The following BTAF1 variants were observed in gnomAD, a reference collection of about 807,000 sequenced individuals.
BTAF1 encodes B-TFIID TATA-box binding protein associated factor 1.
BTAF1 carries 38 observed loss-of-function variants against 227.1 expected under a neutral mutation model. The observed-to-expected ratio is 0.17, with a 90% CI of 0.13 to 0.22. The LOEUF (loss-of-function observed/expected upper bound fraction) is 0.22, where lower values mean the gene tolerates loss of function less well. Among genes scored for constraint, BTAF1 ranks in the 10% least tolerant of loss-of-function variants. BTAF1 has a pLI of 1.00. For synonymous variants in BTAF1, 742 were observed against 751.9 expected, an observed-to-expected ratio of 0.99 and a Z score of 0.21; for missense variants, 1,598 against 2,204.0, an observed-to-expected ratio of 0.73 and a Z score of 5.51.
chr10:91,964,356 T>C (rs1846730380), intron 13 of BTAF1, among the ~76,000 whole-genome samples, 155 bp downstream of exon 13: 2 of 152,204 alleles, frequency 1.3e-5, no homozygotes, highest in Admixed American at 6.5e-5. Context: ...CCTTGTCTTT[T>C]TTACTCTAGC....
At position 91,955,881 on chromosome 10, in the gene BTAF1, A is replaced by G. The variant is rs866116397; in HGVS notation, c.702-647A>G. On this transcript the variant is annotated intron_variant, in intron 6 of 37. Coordinates refer to ENST00000265990, the MANE Select transcript of BTAF1 (RefSeq NM_003972.3). ...TGGCCAAATAAATTTCACTATTAAG[A>G]TGGAGAGAGGGGAGAAGTATTTATA... Among the ~76,000 whole-genome samples, 4 of 152,176 alleles carry G rather than the reference A, an allele frequency of 2.6e-5. No individual in the cohort carries two copies. The South Asian group carries it at 8.3e-4, about 31-fold the overall frequency.
rs562005984 is a variant in BTAF1 at position 92,019,353 on chromosome 10, G to T, written c.4863+418G>T. Among the ~76,000 whole-genome samples the T allele has an allele frequency of 8.5e-5, 13 of 152,192 alleles. No individual in the cohort carries two copies. In the South Asian group the frequency reaches 2.7e-3, roughly 32 times the overall value. On this transcript the variant is annotated intron_variant, in intron 34 of 37. Transcript: ENST00000265990. ...AATCATAAAATATTTGTCATTTGTG[G>T]CTTATTCATTAGTCAGTTTTATGGA...
rs756541425 is a variant in BTAF1, at chr10:91,960,016, A to G, written c.1125A>G (p.Leu375=). 1.9e-6 allele frequency: 3 copies of G among 1,612,554 alleles called. No homozygotes were observed. ...TTCGTGAAACTTGTGCTCAAACATTAGGTGTGGTTTTAAAACACATGAACG... is the reference window on the plus strand; with the variant it reads ...TTCGTGAAACTTGTGCTCAAACATTGGGTGTGGTTTTAAAACACATGAACG... ...APVRETCAQT[L]GVVLKHMNET... The change falls in exon 11 of 38, where the codon TTA becomes TTG. Residue 375 remains leucine, a synonymous_variant. Transcript: ENST00000265990.
In BTAF1 at chr10:91,923,884, G is replaced by A. The variant is rs925121506; in HGVS notation, c.-193G>A. On this transcript the variant is annotated 5_prime_UTR_variant, in exon 1 of 38. Transcript: ENST00000265990. ...CTACCGTCTTGGACCCCTGCTTACC[G>A]GCCGCCGCGGGGACGAGCTCGGGTA... 1 of 577,950 alleles carries A rather than the reference G, an allele frequency of 1.7e-6. No homozygotes were observed. Among genetic ancestry groups the A allele is most frequent in the Non-Finnish European group, 2.8e-6 (1 of 360,496 alleles). The allele number at this position is 577,950 out of a possible 1,614,324, so 35.8% of individuals were successfully genotyped here.
intron 11 of BTAF1, among the ~76,000 whole-genome samples, chr10:91,961,704 T>C (rs1001678087): frequency 6.6e-6 from 1 of 152,222 alleles, no homozygotes; most frequent in Non-Finnish European, 1.5e-5. Flanking sequence ...TATTTGTTTT[T>C]GAAATATTAT....
chr10:92,027,001 GGC>G (rs1851559124), intron 36 of BTAF1, 127 bp from the exon 37 acceptor site: 1 of 1,027,798 alleles, frequency 9.7e-7, no homozygotes, highest in Non-Finnish European at 1.4e-6. Flanking sequence ...GAGCTCATGT[GGC>G]CAGACAAAAT....
Position 92,004,057 on chromosome 10 carries a change from A to C in BTAF1, c.3661-4066A>C, listed in dbSNP as rs948897497. On this transcript the variant is annotated intron_variant, in intron 25 of 37. Coordinates refer to ENST00000265990, the MANE Select transcript of BTAF1 (RefSeq NM_003972.3). ...TTTTTTTTTTAAGAAATACCTATTCAGGTCCTCTGCCCATTTTTACATCTT... is the reference window on the plus strand; with the variant it reads ...TTTTTTTTTTAAGAAATACCTATTCCGGTCCTCTGCCCATTTTTACATCTT... Among the ~76,000 whole-genome samples the C allele has an allele frequency of 2.0e-5, 3 of 152,064 alleles. No individual in the cohort carries two copies. The South Asian group carries it at 6.2e-4, about 32-fold the overall frequency.
At chr10:91,942,158 C>T (rs1456124263) in intron 3 of BTAF1, among the ~76,000 whole-genome samples, 3 of 152,044 alleles carry the variant, frequency 2.0e-5, no homozygotes, top group East Asian at 1.9e-4. Flanking sequence ...GTTGTGTGCA[C>T]CTGTAGTCCT....
At chr10:91,984,608 A>G (rs1848275583) in intron 19 of BTAF1, among the ~76,000 whole-genome samples, 2 of 152,148 alleles carry the variant, frequency 1.3e-5, no homozygotes, top group Non-Finnish European at 2.9e-5. Flanking sequence ...TTTTTTTTAA[A>G]CCAAAATTCT....
intron 9 of BTAF1, 64 bp from the exon 10 acceptor site, chr10:91,959,721 T>G: frequency 3.0e-6 from 1 of 338,778 alleles, no homozygotes; most frequent in Non-Finnish European, 4.2e-6. Context: ...TAAAAAAATG[T>G]GTGTGTGTGT....
chr10:91,937,485 A>T (rs976626576), intron 2 of BTAF1, among the ~76,000 whole-genome samples: 1 of 152,126 alleles, frequency 6.6e-6, no homozygotes, highest in Non-Finnish European at 1.5e-5. Flanking sequence ...TCATGCCCAG[A>T]TCCTCGACAA....
intron 3 of BTAF1, among the ~76,000 whole-genome samples, chr10:91,942,209 A>C (rs550936601): frequency 3.9e-5 from 6 of 152,160 alleles, no homozygotes; most frequent in Non-Finnish European, 8.8e-5. Context: ...CCTTGATCCC[A>C]GGAGTTTGAG....
chr10:91,939,745 T>G (rs1220051743), intron 2 of BTAF1, among the ~76,000 whole-genome samples: 1 of 152,156 alleles, frequency 6.6e-6, no homozygotes, highest in Non-Finnish European at 1.5e-5. Flanking sequence ...GCCACAGGTT[T>G]CTTAAATCCC....
At chr10:91,975,833 G>A (rs574980090) in intron 14 of BTAF1, among the ~76,000 whole-genome samples, 1 of 152,276 alleles carries the variant, frequency 6.6e-6, no homozygotes, top group Admixed American at 6.5e-5. Flanking sequence ...TGCCAGTTAG[G>A]GATCTATGGC....
intron 27 of BTAF1, 33 bp downstream of exon 27, chr10:92,008,983 C>T: frequency 6.2e-7 from 1 of 1,611,870 alleles, no homozygotes; most frequent in African/African-American, 1.3e-5. Context: ...AATAAGGTTT[C>T]CGGATTTGGA....
Position 92,009,264 on chromosome 10 carries a change from G to T in BTAF1, c.4103+56G>T, listed in dbSNP as rs1426924604. On this transcript the variant is annotated intron_variant, in intron 28 of 37. Transcript: ENST00000265990. ...TCATCTGTTGTCATAATTAAGATAA[G>T]GAACAGTAACATTTATTAAAGTGAA... 7 of 1,541,980 alleles carry T rather than the reference G, an allele frequency of 4.5e-6. No individual in the cohort carries two copies. The Admixed American group carries it at 1.3e-4, about 28-fold the overall frequency.
chr10:91,991,807 A>G (rs1279059923), intron 20 of BTAF1, among the ~76,000 whole-genome samples: 2 of 8,038 alleles, frequency 2.5e-4, no homozygotes, highest in African/African-American at 1.2e-3. Context: ...GTATATATAT[A>G]TATATATATA....
intron 35 of BTAF1, 121 bp downstream of exon 35, chr10:92,025,088 TCAC>T: frequency 1.2e-6 from 1 of 802,054 alleles, no homozygotes; most frequent in East Asian, 2.7e-5. Context: ...ATTGTGTAAT[TCAC>T]CCCAAATAAA....
At position 92,016,412 on chromosome 10, in the gene BTAF1, C is replaced by T. The variant is rs778564930; in HGVS notation, c.4657C>T (p.Leu1553Phe). 9.4e-6 allele frequency: 15 copies of T among 1,596,540 alleles called. 1 individual carries two copies. The South Asian group carries it at 1.7e-4, about 18-fold the overall frequency. ...DVDETVSSAT[L>F]SEETEKPKLK... ...TGATGAAACAGTTTCTTCAGCTACA[C>T]TTTCTGAAGAAACTGAAAAACCAAA... Residue 1553 changes from leucine to phenylalanine, a missense_variant, in exon 33 of 38, where the codon CTT becomes TTT. By Grantham distance (22) the Leu-to-Phe change is conservative. This residue lies in a region of BTAF1 where 205 missense variants were observed against 244.5 expected (regional missense o/e 0.84). Transcript: ENST00000265990.
Sources: gnomAD v4.1 joint callset for allele counts (sites outside exome capture counted in the v4.1 genomes callset) on GRCh38, gnomAD v4.1.1 for gene constraint, gnomAD v4.1.1 regional missense constraint, MANE v1.5 for transcripts, NCBI Gene and HGNC (gene_info 2026-07-23, HGNC 2026-07-21) for gene names.